ITGA9: variants seen among roughly 807,000 people sequenced by gnomAD.
The protein encoded by ITGA9 is integrin subunit alpha 9, also known as integrin alpha-9.
In ITGA9, 56 loss-of-function variants were observed where a neutral mutation model predicts 127.8. That is an observed-to-expected ratio of 0.44 (90% CI 0.35 to 0.55). ITGA9 has a LOEUF of 0.55. ITGA9 is among the 20% of genes least tolerant of loss of function. ITGA9 has a pLI of 0.00. For synonymous variants in ITGA9, 508 were observed against 514.5 expected, an observed-to-expected ratio of 0.99 and a Z score of 0.17; for missense variants, 1,196 against 1,347.1, an observed-to-expected ratio of 0.89 and a Z score of 1.76.
At chr3:37,568,214 A>G (rs909066827) in intron 15 of ITGA9, among the ~76,000 whole-genome samples, 2 of 152,256 alleles carry the variant, frequency 1.3e-5, no homozygotes, top group Non-Finnish European at 2.9e-5. Context: ...CTCTGAAGCA[A>G]CAGCTCAAGC....
intron 25 of ITGA9, among the ~76,000 whole-genome samples, chr3:37,783,409 A>C (rs911865858): frequency 6.6e-6 from 1 of 152,182 alleles, no homozygotes; most frequent in Non-Finnish European, 1.5e-5. Context: ...TGGCTCAATC[A>C]TAGCTCACTG....
intron 15 of ITGA9, among the ~76,000 whole-genome samples, chr3:37,601,346 AAAAGAGCTCC>A (rs1283423413): frequency 1.3e-5 from 2 of 152,192 alleles, no homozygotes; most frequent in Non-Finnish European, 2.9e-5. Context: ...AAGTCTCTGG[AAAAGAGCTCC>A]TTCAGCTGCA....
chr3:37,571,060 A>G (rs1699595131), intron 15 of ITGA9, among the ~76,000 whole-genome samples: 1 of 152,244 alleles, frequency 6.6e-6, no homozygotes, highest in Non-Finnish European at 1.5e-5. Flanking sequence ...AATTTAGAAG[A>G]AAAGAACAAG....
chr3:37,524,614 G>T lies in ITGA9; in HGVS notation c.1327+1003G>T, dbSNP rs534303902. On this transcript the variant is annotated intron_variant, in intron 12 of 27. Transcript: ENST00000264741. The stretch of plus-strand genomic sequence containing the variant: ...CCATCCCCAAATAATACCTTATATG[G>T]GTTTAGCATTTAATATGTACAAAAT... Among the ~76,000 whole-genome samples the T allele has an allele frequency of 3.9e-5, 6 of 152,264 alleles. No homozygotes were observed. The South Asian group carries it at 1.2e-3, about 32-fold the overall frequency.
intron 10 of ITGA9, among the ~76,000 whole-genome samples, 157 bp from the exon 11 acceptor site, chr3:37,519,103 T>TC (rs61693725): frequency 2.1e-5 from 3 of 144,670 alleles, no homozygotes; most frequent in Non-Finnish European, 4.4e-5. Flanking sequence ...TTTTTTTTTT[T>TC]CCCGCTGAGG....
rs779108005 is a variant in ITGA9 at position 37,629,882 on chromosome 3, G to A, written c.1839+546G>A. On this transcript the variant is annotated intron_variant, in intron 16 of 27. Transcript: ENST00000264741. This position sits in a 1 kb window ranked among gnomAD's most constrained non-coding sequence, Gnocchi z 4.5. ...CTTTAGTGCGATGGGTGTATCACTC[G>A]TATGAAGTAGGAGTGAGCCTGTGCC... Among the ~76,000 whole-genome samples, 2 of 152,176 alleles carry A rather than the reference G, an allele frequency of 1.3e-5. No individual in the cohort carries two copies. Among genetic ancestry groups the A allele is most frequent in the African/African-American group, 2.4e-5 (1 of 41,436 alleles).
intron 15 of ITGA9, among the ~76,000 whole-genome samples, chr3:37,551,642 A>G (rs1336232715): frequency 1.3e-5 from 2 of 152,164 alleles, no homozygotes; most frequent in Non-Finnish European, 2.9e-5. Flanking sequence ...TCCTAAGGTC[A>G]TTTGGAGAAT....
intron 18 of ITGA9, among the ~76,000 whole-genome samples, chr3:37,715,870 T>C (rs1240393939): frequency 6.6e-6 from 1 of 152,212 alleles, no homozygotes; most frequent in Non-Finnish European, 1.5e-5. Flanking sequence ...GTCTCTTTCC[T>C]GCTATCTTAG....
intron 15 of ITGA9, among the ~76,000 whole-genome samples, chr3:37,576,765 T>G (rs1286056633): frequency 7.2e-5 from 11 of 152,204 alleles, no homozygotes; most frequent in Admixed American, 7.2e-4. Flanking sequence ...CCACCATGCC[T>G]GCCTAATTTT....
intron 18 of ITGA9, among the ~76,000 whole-genome samples, chr3:37,707,424 T>C (rs1379659077): frequency 6.6e-6 from 1 of 152,184 alleles, no homozygotes; most frequent in Non-Finnish European, 1.5e-5. Flanking sequence ...ATGTTTGTGT[T>C]CTTCTTATAT....
At chr3:37,647,785 T>C (rs531249572) in intron 16 of ITGA9, among the ~76,000 whole-genome samples, 11 of 152,338 alleles carry the variant, frequency 7.2e-5, no homozygotes, top group Admixed American at 3.3e-4. Context: ...GTTTCATCCA[T>C]GTTATCAAAA....
rs958867474 is a variant in ITGA9 at position 37,820,827 on chromosome 3, A to AACC, written c.*1840_*1842dup. 1 of 152,208 alleles carries AACC rather than the reference A, an allele frequency of 6.6e-6. No individual in the cohort carries two copies. The highest frequency in any genetic ancestry group is 2.4e-5 in the African/African-American group (1 of 41,444). The allele number at this position is 152,208 out of a possible 1,614,324, so 9.4% of individuals were successfully genotyped here. ...CCAGTGCGGATGAAACAATCTATAA[A>AACC]ACCAAGGGTCTTTCTTATAGCACCT... On this transcript the variant is annotated 3_prime_UTR_variant, in exon 28 of 28. Coordinates refer to ENST00000264741, the MANE Select transcript of ITGA9 (RefSeq NM_002207.3).
chr3:37,461,978 T>G (rs1698320398), intron 1 of ITGA9, among the ~76,000 whole-genome samples: 1 of 149,080 alleles, frequency 6.7e-6, no homozygotes, highest in East Asian at 2.0e-4. Context: ...TAAATGTAAA[T>G]GTATTGCCAT....
intron 18 of ITGA9, among the ~76,000 whole-genome samples, chr3:37,725,982 C>T (rs551986844): frequency 1.1e-4 from 16 of 152,316 alleles, no homozygotes; most frequent in African/African-American, 3.6e-4. Context: ...GGCTCAAGCC[C>T]GAAGGATTCC....
chr3:37,516,837 T>A (rs1338711248), intron 9 of ITGA9, among the ~76,000 whole-genome samples: 1 of 152,172 alleles, frequency 6.6e-6, no homozygotes, highest in Non-Finnish European at 1.5e-5. Context: ...AGAGTAGGTA[T>A]GACTTTTTCC....
In ITGA9 at chr3:37,494,441, G is replaced by A. The variant is rs1264775413; in HGVS notation, c.545-60G>A. On this transcript the variant is annotated intron_variant, in intron 4 of 27. Transcript: ENST00000264741. ...GGCTGGCTGGCTCTGCTGGCTCCACGCACAGCTGGCATACACTGACATGGC... is the reference window on the plus strand; with the variant it reads ...GGCTGGCTGGCTCTGCTGGCTCCACACACAGCTGGCATACACTGACATGGC... 5.1e-5 allele frequency: 63 copies of A among 1,247,120 alleles called. 1 individual carries two copies. Among genetic ancestry groups the A allele is most frequent in the Non-Finnish European group, 6.9e-5 (59 of 857,750 alleles). 77.3% of individuals were successfully genotyped at this position (1,247,120 alleles called of 1,614,324 possible). A position where few individuals can be genotyped will look rare whatever the true frequency, so the allele number is the denominator to read the frequency against.
At chr3:37,802,975 T>C (rs1473094257) in intron 26 of ITGA9, among the ~76,000 whole-genome samples, 1 of 152,184 alleles carries the variant, frequency 6.6e-6, no homozygotes, top group Non-Finnish European at 1.5e-5. Flanking sequence ...CAGTACAGCC[T>C]CTCGAACGAG....
At chr3:37,478,948 A>G (rs1422407456) in intron 3 of ITGA9, among the ~76,000 whole-genome samples, 3 of 152,218 alleles carry the variant, frequency 2.0e-5, no homozygotes, top group Non-Finnish European at 4.4e-5. Context: ...TAAGTACAGC[A>G]AAGCCTTCCT....
At chr3:37,639,584 T>C (rs1189247707) in intron 16 of ITGA9, among the ~76,000 whole-genome samples, 1 of 152,002 alleles carries the variant, frequency 6.6e-6, no homozygotes, top group Non-Finnish European at 1.5e-5. Flanking sequence ...CTGAAGCCAC[T>C]TGTTCACTGG....
Sources: gnomAD v4.1 joint callset for allele counts (sites outside exome capture counted in the v4.1 genomes callset) on GRCh38, gnomAD v4.1.1 for gene constraint, Gnocchi (gnomAD v3.1) non-coding constraint, MANE v1.5 for transcripts, NCBI Gene and HGNC (gene_info 2026-07-23, HGNC 2026-07-21) for gene names.